The following SLC25A45 variants were observed in gnomAD, a reference collection of about 807,000 sequenced individuals.
SLC25A45 encodes the protein methylated amino-acid transporter SLC25A45.
A neutral mutation model predicts 23.0 loss-of-function variants in SLC25A45; 22 were observed. That is an observed-to-expected ratio of 0.95 (90% CI 0.68 to 1.36). The LOEUF is 1.36. SLC25A45 is among the 40% of genes most tolerant of loss of function. The pLI, the probability that SLC25A45 is intolerant of heterozygous loss-of-function variation, is 0.00. For synonymous variants in SLC25A45, 136 were observed against 155.0 expected, an observed-to-expected ratio of 0.88 and a Z score of 0.91; for missense variants, 355 against 383.5, an observed-to-expected ratio of 0.93 and a Z score of 0.62.
In SLC25A45 at chr11:65,376,642, G is replaced by A; in HGVS notation, c.632C>T (p.Ala211Val). ...GGCTGCCACCCAGGAAGCAATGCCT[G>A]CAAAGCCCCCTGCCACCAGCACCGT... ...SATVLVAGGFAGIASWVAATP... is the reference protein window; with the variant it reads ...SATVLVAGGFVGIASWVAATP... The change falls in exon 7 of 7, where the codon GCA becomes GTA. Residue 211 changes from alanine to valine, a missense_variant. Transcript: ENST00000398802. 1 of 1,614,028 alleles carries A rather than the reference G, an allele frequency of 6.2e-7. No individual in the cohort carries two copies. The highest frequency in any genetic ancestry group is 8.5e-7 in the Non-Finnish European group (1 of 1,180,002).
chr11:65,377,463 G>GACTGTGAAATAGTC, intron 5 of SLC25A45: 1 of 1,002,494 alleles, frequency 1.0e-6, no homozygotes, highest in Non-Finnish European at 1.2e-6. Context: ...TTCAGCCTGT[G>GACTGTGAAATAGTC]ACTGTGAAAT....
At position 65,380,153 on chromosome 11, in the gene SLC25A45, T is replaced by G. The variant is rs1278209085; in HGVS notation, c.60A>C (p.Gly20=). Residue 20 remains glycine (G), a synonymous_variant, in exon 3 of 7, where the codon GGA becomes GGC. Coordinates refer to ENST00000398802, the MANE Select transcript of SLC25A45 (RefSeq NM_182556.4). Reference sequence around the variant, plus strand: ...TCACCTTTACAGTGTCAAACGGGTGTCCCAGGACCAAGCCCAGAGCGCCTG... The same window carrying G: ...TCACCTTTACAGTGTCAAACGGGTGGCCCAGGACCAAGCCCAGAGCGCCTG... The part of the protein sequence containing the change: ...WISGALGLVL[G]HPFDTVKVRL... The G allele has an allele frequency of 2.5e-6, 4 of 1,613,988 alleles. No homozygotes were observed. In the African/African-American group the frequency reaches 5.3e-5, roughly 22 times the overall value.
rs377667279 is a variant in SLC25A45 at position 65,376,568 on chromosome 11, G to T, written c.706C>A (p.Arg236Ser). ...TCCAGCATCCCCTGGTACACTCTGC[G>T]TCTCAGTCCATCCATCTGCATCCGG... ...KSRMQMDGLR[R>S]RVYQGMLDCM... is the part of the protein sequence containing the mutation. The change falls in exon 7 of 7, where the codon CGC becomes AGC. Residue 236 changes from arginine to serine, a missense_variant. Transcript: ENST00000398802. 1.4e-5 allele frequency: 23 copies of T among 1,614,002 alleles called. No homozygotes were observed. Among genetic ancestry groups the T allele is most frequent in the South Asian group, 8.8e-5 (8 of 91,090 alleles).
In SLC25A45 at chr11:65,375,543, C is replaced by G. The variant is rs1855109632; in HGVS notation, c.*864G>C. The G allele has an allele frequency of 6.6e-6, 1 of 152,444 alleles. No individual in the cohort carries two copies. The allele number at this position is 152,444 out of a possible 1,614,324, so 9.4% of individuals were successfully genotyped here. A position where few individuals can be genotyped will look rare whatever the true frequency, so the allele number is the denominator to read the frequency against. On this transcript the variant is annotated 3_prime_UTR_variant, in exon 7 of 7. Transcript: ENST00000398802. ...CCAGGCCCGGCCAATGAGAGCACAACTTGTTCAGGGTCCAGGAAGCAACCC... is the reference window on the plus strand; with the variant it reads ...CCAGGCCCGGCCAATGAGAGCACAAGTTGTTCAGGGTCCAGGAAGCAACCC...
rs1205950565 is a variant in SLC25A45, at chr11:65,376,281, G to A, written c.*126C>T. The A allele has an allele frequency of 8.1e-7, 1 of 1,227,096 alleles. No homozygotes were observed. Among genetic ancestry groups the A allele is most frequent in the Admixed American group, 2.2e-5 (1 of 45,850 alleles). The allele number at this position is 1,227,096 out of a possible 1,614,324, so 76.0% of individuals were successfully genotyped here. On this transcript the variant is annotated 3_prime_UTR_variant, in exon 7 of 7. Coordinates refer to ENST00000398802, the MANE Select transcript of SLC25A45 (RefSeq NM_182556.4). ...GCCCAGCCCAGATCTGCGCGGGTGG[G>A]AGGCACCTTGGTTAGGAAGGGCTGA...
Position 65,382,021 on chromosome 11 carries a change from T to G in SLC25A45, c.-18-52A>C. 7.6e-7 allele frequency: 1 copy of G among 1,313,718 alleles called. No individual in the cohort carries two copies. The highest frequency in any genetic ancestry group is 1.2e-5 in the South Asian group (1 of 84,842). 81.4% of individuals were successfully genotyped at this position (1,313,718 alleles called of 1,614,324 possible). A position where few individuals can be genotyped will look rare whatever the true frequency, so the allele number is the denominator to read the frequency against. On this transcript the variant is annotated intron_variant, in intron 1 of 6. Coordinates refer to ENST00000398802, the MANE Select transcript of SLC25A45 (RefSeq NM_182556.4). The surrounding 1 kb of genome is among the most constrained non-coding windows in gnomAD (Gnocchi z 4.4). ...GTTGAATTCCCCCCTCTCCCTCCCCTGGCCCACGCTGATAACCTCCCACTA... is the reference window on the plus strand; with the variant it reads ...GTTGAATTCCCCCCTCTCCCTCCCCGGGCCCACGCTGATAACCTCCCACTA...
At position 65,376,478 on chromosome 11, in the gene SLC25A45, T is replaced by A. The variant is rs1209155846; in HGVS notation, c.796A>T (p.Ser266Cys). Residue 266 changes from serine to cysteine, a missense_variant, in exon 7 of 7, where the codon AGT (serine) becomes TGT (cysteine). Coordinates refer to ENST00000398802, the MANE Select transcript of SLC25A45 (RefSeq NM_182556.4). Reference sequence around the variant, plus strand: ...GCATTGACGGGAAAGGCGCGGGCACTGTTGATGGTGACCCCCCGGAAGAAG... The same window carrying A: ...GCATTGACGGGAAAGGCGCGGGCACAGTTGATGGTGACCCCCCGGAAGAAG... ...GVFFRGVTIN[S>C]ARAFPVNAVT... 7 of 1,614,052 alleles carry A rather than the reference T, an allele frequency of 4.3e-6. No homozygotes were observed. Among genetic ancestry groups the A allele is most frequent in the Middle Eastern group, 1.6e-4 (1 of 6,084 alleles).
At position 65,375,517 on chromosome 11, in the gene SLC25A45, G is replaced by T; in HGVS notation, c.*890C>A. 6.6e-6 allele frequency: 1 copy of T among 152,560 alleles called. No homozygotes were observed. The highest frequency in any genetic ancestry group is 2.4e-5 in the African/African-American group (1 of 41,584). The allele number at this position is 152,560 out of a possible 1,614,324, so 9.5% of individuals were successfully genotyped here. ...ACCTGCCAGGCACTGTGCACTGCTG[G>T]CCAGGCCCGGCCAATGAGAGCACAA... On this transcript the variant is annotated 3_prime_UTR_variant, in exon 7 of 7. Transcript: ENST00000398802.
At chr11:65,380,325 G>A (rs542934638) in intron 2 of SLC25A45, 150 bp from the exon 3 acceptor site, 3 of 1,165,540 alleles carry the variant, frequency 2.6e-6, no homozygotes, top group Middle Eastern at 2.8e-4. Flanking sequence ...AAGCTCTAGA[G>A]ACTCCAGCTG....
At chr11:65,378,422 T>A (rs1344740423) in intron 5 of SLC25A45, 1 of 152,322 alleles carries the variant, frequency 6.6e-6, no homozygotes, top group African/African-American at 2.4e-5. Flanking sequence ...CCACTTCTGC[T>A]TTCCAAAGAG....
At chr11:65,377,311 C>T in intron 5 of SLC25A45, 1 of 1,377,870 alleles carries the variant, frequency 7.3e-7, no homozygotes, top group African/African-American at 1.5e-5. Context: ...CACTGCCCCT[C>T]ATGCAACAGT....
intron 2 of SLC25A45, chr11:65,380,599 C>T: frequency 7.7e-7 from 1 of 1,294,274 alleles, no homozygotes; most frequent in Non-Finnish European, 1.0e-6. Context: ...AGAGCAGGCC[C>T]TGCTGCCAGC....
rs1353568670 is a variant in SLC25A45, at chr11:65,375,825, G to A, written c.*582C>T. ...CGCCTGTAATCCCAGCACTTTGAGAGGCCGACGCGGGCGGATCACAAAGTC... is the reference window on the plus strand; with the variant it reads ...CGCCTGTAATCCCAGCACTTTGAGAAGCCGACGCGGGCGGATCACAAAGTC... On this transcript the variant is annotated 3_prime_UTR_variant, in exon 7 of 7. Coordinates refer to ENST00000398802, the MANE Select transcript of SLC25A45 (RefSeq NM_182556.4). The A allele has an allele frequency of 6.5e-6, 1 of 153,700 alleles. No homozygotes were observed. The highest frequency in any genetic ancestry group is 1.4e-5 in the Non-Finnish European group (1 of 69,156). 9.5% of individuals were successfully genotyped at this position (153,700 alleles called of 1,614,324 possible). A position where few individuals can be genotyped will look rare whatever the true frequency, so the allele number is the denominator to read the frequency against.
rs145807288 is a variant in SLC25A45, at chr11:65,376,577, C to T, written c.697G>A (p.Gly233Arg). Reference protein sequence around the residue: ...DMIKSRMQMDGLRRRVYQGML... With the variant: ...DMIKSRMQMDRLRRRVYQGML... ...CCCTGGTACACTCTGCGTCTCAGTC[C>T]ATCCATCTGCATCCGGGACTTGATC... is the stretch of plus-strand genomic sequence containing the variant. The change falls in exon 7 of 7, where the codon GGA becomes AGA. Residue 233 changes from glycine to arginine, a missense_variant. By Grantham distance (125) the Gly-to-Arg change is moderately radical. Transcript: ENST00000398802. 7.7e-4 allele frequency: 1,236 copies of T among 1,614,142 alleles called. 7 individuals carry two copies. The African/African-American group carries it at 0.015, about 20-fold the overall frequency.
rs1294552948 is a variant in SLC25A45, at chr11:65,376,873, G to A, written c.543C>T (p.Tyr181=). The A allele has an allele frequency of 6.2e-7, 1 of 1,614,226 alleles. No homozygotes were observed. Among genetic ancestry groups the A allele is most frequent in the Non-Finnish European group, 8.5e-7 (1 of 1,180,042 alleles). Residue 181 remains tyrosine (Y), a synonymous_variant, in exon 6 of 7, where the codon TAC becomes TAT. Transcript: ENST00000398802. ...TLRDTPTVGI[Y]FITYEGLCRQ... ...GACAGAGCCCTTCATAGGTGATGAA[G>A]TAGATCCCCACCGTGGGGGTGTCCC...
Position 65,376,380 on chromosome 11 carries a change from G to A in SLC25A45, c.*27C>T. The A allele has an allele frequency of 6.2e-7, 1 of 1,605,318 alleles. No individual in the cohort carries two copies. Among genetic ancestry groups the A allele is most frequent in the Non-Finnish European group, 8.5e-7 (1 of 1,172,942 alleles). On this transcript the variant is annotated 3_prime_UTR_variant, in exon 7 of 7. Transcript: ENST00000398802. The stretch of plus-strand genomic sequence containing the variant: ...CTGGCCTCCAGGCCGTGGGCCTGAT[G>A]GGGAGCTGCTGGCATTGCCGCAGGG...
chr11:65,376,332 T>A lies in SLC25A45; in HGVS notation c.*75A>T. 2 of 1,544,010 alleles carry A rather than the reference T, an allele frequency of 1.3e-6. No individual in the cohort carries two copies. Among genetic ancestry groups the A allele is most frequent in the Non-Finnish European group, 1.8e-6 (2 of 1,135,076 alleles). On this transcript the variant is annotated 3_prime_UTR_variant, in exon 7 of 7. Coordinates refer to ENST00000398802, the MANE Select transcript of SLC25A45 (RefSeq NM_182556.4). ...GCCTCTTGCACTGATTTGCAAGCTT[T>A]CAACCTGGCCTCCAATCTCAAACTG...
rs894871210 is a variant in SLC25A45, at chr11:65,379,771, T to C, written c.153+96A>G. On this transcript the variant is annotated intron_variant, in intron 4 of 6. Coordinates refer to ENST00000398802, the MANE Select transcript of SLC25A45 (RefSeq NM_182556.4). ...GGATCCCAGACTTGGTCTTCTCTCC[T>C]CCAGGAGCAGAACCCTGCTGGAGAG... The C allele has an allele frequency of 2.6e-4, 387 of 1,511,386 alleles. 2 individuals are homozygous for C. Among genetic ancestry groups the C allele is most frequent in the Non-Finnish European group, 3.9e-5 (43 of 1,095,856 alleles). The allele number at this position is 1,511,386 out of a possible 1,614,324, so 93.6% of individuals were successfully genotyped here. A position where few individuals can be genotyped will look rare whatever the true frequency, so the allele number is the denominator to read the frequency against.
Position 65,376,433 on chromosome 11 carries a change from C to T in SLC25A45, c.841G>A (p.Glu281Lys), listed in dbSNP as rs771887352. The T allele has an allele frequency of 1.9e-6, 3 of 1,614,036 alleles. No individual in the cohort carries two copies. The highest frequency in any genetic ancestry group is 2.2e-5 in the East Asian group (1 of 44,882). The change falls in exon 7 of 7, where the codon GAA (glutamate) becomes AAA (lysine). Residue 281 changes from glutamate (E) to lysine (K), a missense_variant. Transcript: ENST00000398802. ...PVNAVTFLSY[E>K]YLLRWWG ...CATCCCCACCAGCGGAGGAGATATT[C>T]GTAGCTGAGGAAGGTGACAGCATTG... is the stretch of plus-strand genomic sequence containing the variant.
Sources: allele counts gnomAD v4.1 joint callset, GRCh38; gene constraint gnomAD v4.1.1; non-coding constraint Gnocchi (gnomAD v3.1); transcripts MANE v1.5; gene names NCBI Gene and HGNC (gene_info 2026-07-23, HGNC 2026-07-21).